The following BICD1 variants were observed in gnomAD, a reference collection of about 807,000 sequenced individuals.
BICD1 encodes the protein protein bicaudal D homolog 1.
In BICD1, 35 loss-of-function variants were observed where a neutral mutation model predicts 92.5. The observed-to-expected ratio is 0.38, with a 90% CI of 0.29 to 0.50. The LOEUF (loss-of-function observed/expected upper bound fraction) is 0.50. Among genes scored for constraint, BICD1 ranks in the 20% least tolerant of loss-of-function variants. The pLI is 0.93. For synonymous variants in BICD1, 429 were observed against 465.1 expected (o/e 0.92, Z 1.00); for missense variants, 950 against 1,189.8 (o/e 0.80, Z 2.97).
chr12:32,152,923 C>T (rs1943331568), intron 1 of BICD1, among the ~76,000 whole-genome samples: 1 of 152,086 alleles, frequency 6.6e-6, no homozygotes, highest in African/African-American at 2.4e-5. Flanking sequence ...TTTTTTCCCC[C>T]AACTTTTACT....
chr12:32,165,740 A>G (rs948033505), intron 1 of BICD1, among the ~76,000 whole-genome samples: 2 of 151,848 alleles, frequency 1.3e-5, no homozygotes, highest in Non-Finnish European at 2.9e-5. Context: ...ATTTATCAAG[A>G]GGATTTGGTT....
Position 32,233,322 on chromosome 12 carries a change from T to TTAAAA in BICD1, c.426+16863_426+16864insTAAAA, listed in dbSNP as rs35803631. 4.5e-3 allele frequency among the ~76,000 whole-genome samples: 574 copies of TTAAAA among 127,070 alleles called. 14 individuals are homozygous for TTAAAA. Among genetic ancestry groups the TTAAAA allele is most frequent in the African/African-American group, 0.016 (540 of 33,984 alleles). 83.4% of individuals were successfully genotyped at this position (127,070 alleles called of 152,430 possible). ...GGATGACAGAGCAAGAGTCTGTCTT[T>TTAAAA]AAAAAAAAAAAAAAAAAAGTAGGCT... On this transcript the variant is annotated intron_variant, in intron 2 of 9. Transcript: ENST00000652176.
intron 2 of BICD1, among the ~76,000 whole-genome samples, chr12:32,247,419 A>C (rs550495374): frequency 3.3e-5 from 5 of 152,114 alleles, no homozygotes; most frequent in African/African-American, 1.2e-4. Flanking sequence ...ACGAGAATAC[A>C]TCTGAAGATC....
intron 1 of BICD1, among the ~76,000 whole-genome samples, chr12:32,151,491 A>G (rs1171247456): frequency 1.3e-5 from 2 of 152,210 alleles, no homozygotes; most frequent in African/African-American, 4.8e-5. Flanking sequence ...GCACGTGCCA[A>G]CCCAAGTACA....
chr12:32,379,327 G>A lies in BICD1; in HGVS notation c.*1700G>A, dbSNP rs796538904. ...GTCATACGCCTATTAAGTAGTGGTC[G>A]CTATTACCAAAGCAACCAGGACGTT... On this transcript the variant is annotated 3_prime_UTR_variant, in exon 10 of 10. Transcript: ENST00000652176. 4 of 152,254 alleles carry A rather than the reference G, an allele frequency of 2.6e-5. No homozygotes were observed. Among genetic ancestry groups the A allele is most frequent in the Admixed American group, 1.3e-4 (2 of 15,282 alleles). The allele number at this position is 152,254 out of a possible 1,614,324, so 9.4% of individuals were successfully genotyped here. A position where few individuals can be genotyped will look rare whatever the true frequency, so the allele number is the denominator to read the frequency against.
intron 2 of BICD1, among the ~76,000 whole-genome samples, chr12:32,279,408 A>T (rs2136165296): frequency 6.6e-6 from 1 of 152,360 alleles, no homozygotes; most frequent in East Asian, 1.9e-4. Context: ...TGATACCAAA[A>T]GAAAGATCTT....
rs60466035 is a variant in BICD1, at chr12:32,314,832, A to C, written c.1005+8710A>C. On this transcript the variant is annotated intron_variant, in intron 4 of 9. Coordinates refer to ENST00000652176, the MANE Select transcript of BICD1 (RefSeq NM_001714.4). ...TGGAGTGCAGTGGCTATTCATAGGC[A>C]CAATCATAGCACACTGCAGCCTCAA... Among the ~76,000 whole-genome samples, 549 of 151,882 alleles carry C rather than the reference A, an allele frequency of 3.6e-3. 2 individuals carry two copies. The highest frequency in any genetic ancestry group is 0.018 in the East Asian group (95 of 5,150).
chr12:32,172,744 G>A (rs1943982402), intron 1 of BICD1, among the ~76,000 whole-genome samples: 1 of 152,156 alleles, frequency 6.6e-6, no homozygotes, highest in Non-Finnish European at 1.5e-5. Context: ...TCATTTGTGT[G>A]CTTACCATGT....
chr12:32,305,636 T>C (rs1948190844), intron 3 of BICD1, 61 bp from the exon 4 acceptor site: 2 of 1,476,238 alleles, frequency 1.4e-6, no homozygotes, highest in Non-Finnish European at 1.8e-6. Context: ...GAGTGTTTAA[T>C]GGCAGTTTTG....
intron 8 of BICD1, among the ~76,000 whole-genome samples, chr12:32,344,763 TC>T (rs1272754870): frequency 2.6e-5 from 4 of 152,240 alleles, no homozygotes; most frequent in African/African-American, 9.6e-5. Context: ...TTATATTTTT[TC>T]CTATAGAGGC....
chr12:32,337,608 C>T lies in BICD1; in HGVS notation c.2362C>T (p.Leu788Phe). 6.2e-7 allele frequency: 1 copy of T among 1,614,212 alleles called. No individual in the cohort carries two copies. Among genetic ancestry groups the T allele is most frequent in the Non-Finnish European group, 8.5e-7 (1 of 1,180,032 alleles). ...TLLRMAIQQK[L>F]ALTQRLEDLE... ...GTTACGAATGGCTATCCAGCAAAAA[C>T]TCGCCCTGACCCAGAGGCTGGAGGA... Residue 788 changes from leucine (L) to phenylalanine (F), a missense_variant, in exon 7 of 10, where the codon CTC (leucine) becomes TTC (phenylalanine). This residue lies in a region of BICD1 where 309 missense variants were observed against 499.4 expected (regional missense o/e 0.62). Coordinates refer to ENST00000652176, the MANE Select transcript of BICD1 (RefSeq NM_001714.4). This position sits in a 1 kb window ranked among gnomAD's most constrained non-coding sequence, Gnocchi z 4.7.
At chr12:32,213,912 T>C (rs1311867302) in intron 1 of BICD1, among the ~76,000 whole-genome samples, 1 of 152,228 alleles carries the variant, frequency 6.6e-6, no homozygotes, top group Admixed American at 6.5e-5. Flanking sequence ...TAATTTTAGA[T>C]ACTATTGATG....
At position 32,216,260 on chromosome 12, in the gene BICD1, C is replaced by T; in HGVS notation, c.227C>T (p.Ser76Phe). The change falls in exon 2 of 10, where the codon TCC becomes TTC. Residue 76 changes from serine to phenylalanine, a missense_variant. Physicochemically the swap from Ser to Phe is radical, Grantham distance 155. Coordinates refer to ENST00000652176, the MANE Select transcript of BICD1 (RefSeq NM_001714.4). Reference protein sequence around the residue: ...LEQLKEAFGQSFSIHRKVAED... With the variant: ...LEQLKEAFGQFFSIHRKVAED... ...TATACTCTGCAGGCATTTGGGCAGT[C>T]CTTCTCCATCCACCGGAAGGTTGCT... is the stretch of plus-strand genomic sequence containing the variant. 1 of 1,613,538 alleles carries T rather than the reference C, an allele frequency of 6.2e-7. No homozygotes were observed. The highest frequency in any genetic ancestry group is 8.5e-7 in the Non-Finnish European group (1 of 1,179,938).
chr12:32,216,280 G>T lies in BICD1; in HGVS notation c.247G>T (p.Val83Phe). Residue 83 changes from valine (V) to phenylalanine (F), a missense_variant, in exon 2 of 10, where the codon GTT becomes TTT. Physicochemically the swap from Val to Phe is conservative, Grantham distance 50. Transcript: ENST00000652176. ...FGQSFSIHRK[V>F]AEDGETREET... ...GCAGTCCTTCTCCATCCACCGGAAG[G>T]TTGCTGAAGATGGAGAGACTCGGGA... 1 of 1,613,996 alleles carries T rather than the reference G, an allele frequency of 6.2e-7. No homozygotes were observed. Among genetic ancestry groups the T allele is most frequent in the Non-Finnish European group, 8.5e-7 (1 of 1,179,996 alleles).
chr12:32,124,429 C>T (rs988607234), intron 1 of BICD1, among the ~76,000 whole-genome samples: 9 of 152,014 alleles, frequency 5.9e-5, no homozygotes, highest in East Asian at 1.9e-4. Context: ...ATGATGTGAA[C>T]GTTGGTTTCC....
chr12:32,129,710 G>T (rs1204881275), intron 1 of BICD1, among the ~76,000 whole-genome samples: 2 of 151,760 alleles, frequency 1.3e-5, no homozygotes, highest in African/African-American at 4.9e-5. Context: ...GACTTTTCCA[G>T]TCTCTTTCTT....
intron 2 of BICD1, among the ~76,000 whole-genome samples, chr12:32,257,210 T>TAAAAAA (rs1946742576): frequency 7.0e-5 from 2 of 28,574 alleles, no homozygotes; most frequent in Admixed American, 4.0e-4. Context: ...AGACTCTGTC[T>TAAAAAA]CAAAAAAAAA....
chr12:32,336,387 G>A (rs892775450), intron 6 of BICD1, among the ~76,000 whole-genome samples: 2 of 152,100 alleles, frequency 1.3e-5, no homozygotes, highest in Non-Finnish European at 2.9e-5. Flanking sequence ...AAGATGTTTC[G>A]GACAGCCTGC....
intron 1 of BICD1, among the ~76,000 whole-genome samples, chr12:32,200,477 A>G (rs1944875200): frequency 6.6e-6 from 1 of 152,208 alleles, no homozygotes; most frequent in South Asian, 2.1e-4. Flanking sequence ...TATTTTATGA[A>G]TGTTTCTTAA....
Sources: allele counts gnomAD v4.1 joint callset (sites outside exome capture counted in the v4.1 genomes callset), GRCh38; gene constraint gnomAD v4.1.1; regional missense constraint gnomAD v4.1.1; non-coding constraint Gnocchi (gnomAD v3.1); transcripts MANE v1.5; gene names NCBI Gene and HGNC (gene_info 2026-07-23, HGNC 2026-07-21).